Variants in CTNNB1 observed in about 807,000 individuals in gnomAD.
CTNNB1 encodes the protein catenin beta 1, also known as catenin beta-1.
In CTNNB1, 6 loss-of-function variants were observed where a neutral mutation model predicts 82.5. The observed-to-expected ratio is 0.07, with a 90% CI of 0.04 to 0.14. The LOEUF is 0.14. CTNNB1 is among the 10% of genes least tolerant of loss of function. The probability of loss-of-function intolerance (pLI) is 1.00; values close to 1 mark genes in which losing one functional copy is unlikely to be tolerated. For missense variants in CTNNB1, 529 were observed against 980.4 expected, an observed-to-expected ratio of 0.54 and a Z score of 6.15; for synonymous variants, 312 against 329.7, an observed-to-expected ratio of 0.95 and a Z score of 0.58.
chr3:41,227,400 C>T (rs776326554), intron 7 of CTNNB1, 48 bp downstream of exon 7: 1 of 1,591,910 alleles, frequency 6.3e-7, no homozygotes, highest in South Asian at 1.1e-5. Context: ...ATCTGCAGTT[C>T]TAATTAGATT....
In CTNNB1 at chr3:41,225,458, A is replaced by G; in HGVS notation, c.620A>G (p.Asp207Gly). Residue 207 changes from aspartate to glycine, a missense_variant, in exon 5 of 15, where the codon GAT (aspartate) becomes GGT (glycine). Physicochemically the swap from Asp to Gly is moderately conservative, Grantham distance 94. Coordinates refer to ENST00000349496, the MANE Select transcript of CTNNB1 (RefSeq NM_001904.4). The surrounding 1 kb of genome is among the most constrained non-coding windows in gnomAD (Gnocchi z 5.3). The part of the protein sequence containing the change: ...AIVRTMQNTN[D>G]VETARCTAGT... Reference sequence around the variant, plus strand: ...GTACGTACCATGCAGAATACAAATGATGTAGAAACAGCTCGTTGTACCGCT... The same window carrying G: ...GTACGTACCATGCAGAATACAAATGGTGTAGAAACAGCTCGTTGTACCGCT... 6.2e-7 allele frequency: 1 copy of G among 1,613,978 alleles called. No homozygotes were observed. The highest frequency in any genetic ancestry group is 8.5e-7 in the Non-Finnish European group (1 of 1,179,982).
chr3:41,227,820 T>C (rs2078212966), intron 7 of CTNNB1, among the ~76,000 whole-genome samples: 1 of 152,174 alleles, frequency 6.6e-6, no homozygotes, highest in Non-Finnish European at 1.5e-5. Flanking sequence ...GTGCAGATTA[T>C]TTTGTCACCC....
chr3:41,231,195 C>T (rs1057093769), intron 7 of CTNNB1, among the ~76,000 whole-genome samples: 1 of 152,056 alleles, frequency 6.6e-6, no homozygotes, highest in Admixed American at 6.6e-5. Flanking sequence ...GGCGTGGTGG[C>T]AGGCGCCTGT....
At chr3:41,199,819 T>G (rs2125578026) in intron 1 of CTNNB1, 149 bp downstream of exon 1, 1 of 138,760 alleles carries the variant, frequency 7.2e-6, no homozygotes. Context: ...TGGGGGACGG[T>G]GAGGGTGGGC....
chr3:41,219,667 G>A (rs2077996523), intron 1 of CTNNB1, among the ~76,000 whole-genome samples: 1 of 152,160 alleles, frequency 6.6e-6, no homozygotes, highest in South Asian at 2.1e-4. Context: ...CAAGCCCTTG[G>A]TAAGATGGCA....
chr3:41,224,373 C>T lies in CTNNB1; in HGVS notation c.14-153C>T, dbSNP rs1432606585. The T allele has an allele frequency of 3.6e-6, 3 of 834,398 alleles. No homozygotes were observed. In the Admixed American group the frequency reaches 6.4e-5, roughly 18 times the overall value. The allele number at this position is 834,398 out of a possible 1,614,324, so 51.7% of individuals were successfully genotyped here. A position where few individuals can be genotyped will look rare whatever the true frequency, so the allele number is the denominator to read the frequency against. On this transcript the variant is annotated intron_variant, in intron 2 of 14. Coordinates refer to ENST00000349496, the MANE Select transcript of CTNNB1 (RefSeq NM_001904.4). The stretch of plus-strand genomic sequence containing the variant: ...AGGGATTAGGTATTTCATCACTGAG[C>T]TAACCCTGGCTATCATTCTGCTTTT...
intron 7 of CTNNB1, among the ~76,000 whole-genome samples, chr3:41,227,926 G>T (rs750540383): frequency 6.6e-6 from 1 of 152,014 alleles, no homozygotes; most frequent in African/African-American, 2.4e-5. Context: ...CTTTGTGCCC[G>T]TGTGTACTCA....
chr3:41,236,931 AATT>A, intron 13 of CTNNB1: 1 of 613,856 alleles, frequency 1.6e-6, no homozygotes, highest in Non-Finnish European at 2.8e-6. Context: ...TGTTATTTAA[AATT>A]ATAATTCATA....
chr3:41,211,203 TACA>T (rs1423817583), intron 1 of CTNNB1: 1 of 394,834 alleles, frequency 2.5e-6, no homozygotes, highest in Non-Finnish European at 5.2e-6. Context: ...TAACGATGGC[TACA>T]ACATCACTAG....
chr3:41,236,678 T>G lies in CTNNB1; in HGVS notation c.2045T>G (p.Leu682Arg). 1 of 1,614,136 alleles carries G rather than the reference T, an allele frequency of 6.2e-7. No homozygotes were observed. Among genetic ancestry groups the G allele is most frequent in the East Asian group, 2.2e-5 (1 of 44,884 alleles). Reference sequence around the variant, plus strand: ...CTTTCAGTTGAGCTGACCAGCTCTCTCTTCAGAACAGAGCCAATGGCTTGG... The same window carrying G: ...CTTTCAGTTGAGCTGACCAGCTCTCGCTTCAGAACAGAGCCAATGGCTTGG... Reference protein sequence around the residue: ...KRLSVELTSSLFRTEPMAWNE... With the variant: ...KRLSVELTSSRFRTEPMAWNE... Residue 682 changes from leucine to arginine, a missense_variant, in exon 13 of 15, where the codon CTC becomes CGC. Physicochemically the swap from Leu to Arg is moderately radical, Grantham distance 102. Coordinates refer to ENST00000349496, the MANE Select transcript of CTNNB1 (RefSeq NM_001904.4).
chr3:41,220,257 ATT>A (rs979838383), intron 1 of CTNNB1, among the ~76,000 whole-genome samples: 1 of 151,646 alleles, frequency 6.6e-6, no homozygotes, highest in Non-Finnish European at 1.5e-5. Flanking sequence ...TCTAATAACC[ATT>A]TGTGTACCTA....
chr3:41,210,212 G>C (rs1196377728), intron 1 of CTNNB1, among the ~76,000 whole-genome samples: 1 of 152,132 alleles, frequency 6.6e-6, no homozygotes, highest in Non-Finnish European at 1.5e-5. Context: ...CCAGCACTTT[G>C]GGAGGCTGAG....
chr3:41,232,531 C>T (rs910261144), intron 7 of CTNNB1, among the ~76,000 whole-genome samples: 5 of 151,866 alleles, frequency 3.3e-5, no homozygotes, highest in East Asian at 1.9e-4. Context: ...GTATCTCTTA[C>T]TGCATTCAGA....
chr3:41,229,515 G>T (rs1257397385), intron 7 of CTNNB1, among the ~76,000 whole-genome samples: 1 of 152,100 alleles, frequency 6.6e-6, no homozygotes, highest in Non-Finnish European at 1.5e-5. Flanking sequence ...CTTGGATGTT[G>T]TTGGTGTCTA....
Position 41,240,312 on chromosome 3 carries a change from A to G in CTNNB1, c.*970A>G, listed in dbSNP as rs1408528209. On this transcript the variant is annotated 3_prime_UTR_variant, in exon 15 of 15. Transcript: ENST00000349496. ...GTAGGGTAAATCAGTAAGAGGTGTT[A>G]TTTGGAACCTTGTTTTGGACAGTTT... The G allele has an allele frequency of 1.0e-5, 2 of 191,930 alleles. No homozygotes were observed. The highest frequency in any genetic ancestry group is 2.2e-5 in the Non-Finnish European group (2 of 91,416). 11.9% of individuals were successfully genotyped at this position (191,930 alleles called of 1,614,324 possible).
intron 1 of CTNNB1, among the ~76,000 whole-genome samples, chr3:41,217,866 C>G (rs2077951268): frequency 6.6e-6 from 1 of 151,842 alleles, no homozygotes; most frequent in Admixed American, 6.6e-5. Flanking sequence ...TGACTTGTTC[C>G]CAGTTTTTTG....
chr3:41,217,442 A>C (rs1166852827), intron 1 of CTNNB1, among the ~76,000 whole-genome samples: 3 of 152,216 alleles, frequency 2.0e-5, no homozygotes, highest in African/African-American at 4.8e-5. Flanking sequence ...AAGGGTGTTT[A>C]AAATTTGTTC....
chr3:41,216,471 TG>T (rs1559462288), intron 1 of CTNNB1, among the ~76,000 whole-genome samples: 1 of 152,260 alleles, frequency 6.6e-6, no homozygotes, highest in East Asian at 1.9e-4. Flanking sequence ...TATTGACACA[TG>T]TAAAGTGACA....
chr3:41,208,752 C>T (rs1575288630), intron 1 of CTNNB1, among the ~76,000 whole-genome samples: 1 of 152,162 alleles, frequency 6.6e-6, no homozygotes, highest in Non-Finnish European at 1.5e-5. Flanking sequence ...AAGATAAGGC[C>T]ACTCAGTTCA....
Sources: gnomAD v4.1 joint callset for allele counts (sites outside exome capture counted in the v4.1 genomes callset) on GRCh38, gnomAD v4.1.1 for gene constraint, Gnocchi (gnomAD v3.1) non-coding constraint, MANE v1.5 for transcripts, NCBI Gene and HGNC (gene_info 2026-07-23, HGNC 2026-07-21) for gene names.